The following AGBL1 variants were observed in gnomAD, a reference collection of about 807,000 sequenced individuals.
The protein encoded by AGBL1 is AGBL carboxypeptidase 1.
A neutral mutation model predicts 118.9 loss-of-function variants in AGBL1; 130 were observed. That is an observed-to-expected ratio of 1.09 (90% CI 0.95 to 1.26). The LOEUF (loss-of-function observed/expected upper bound fraction) is 1.26. Ranked by LOEUF, AGBL1 falls within the 50% of genes most tolerant of loss-of-function variation. The pLI, the probability that AGBL1 is intolerant of heterozygous loss-of-function variation, is 0.00. For synonymous variants in AGBL1, 555 were observed against 478.9 expected (o/e 1.16, Z -2.08); for missense variants, 1,584 against 1,298.1 (o/e 1.22, Z -3.38).
chr15:86,360,542 GCTAGC>G (rs2141920019), intron 17 of AGBL1, among the ~76,000 whole-genome samples: 1 of 151,988 alleles, frequency 6.6e-6, no homozygotes, highest in Non-Finnish European at 1.5e-5. Context: ...TCAGAGTGAT[GCTAGC>G]CTCATAAAAT....
At chr15:86,802,390 C>A (rs1216743264) in intron 22 of AGBL1, among the ~76,000 whole-genome samples, 3 of 152,012 alleles carry the variant, frequency 2.0e-5, no homozygotes, top group African/African-American at 7.2e-5. Context: ...CTGGCACTTG[C>A]AAGGGACTCA....
intron 24 of AGBL1, among the ~76,000 whole-genome samples, chr15:86,997,890 GACACACACACACACACACACACACAC>G (rs3030280): frequency 2.7e-5 from 4 of 145,830 alleles, no homozygotes; most frequent in African/African-American, 1.0e-4. Context: ...ACATGTGGAA[GACACACACACACACACACACACACAC>G]ACACACACAC....
chr15:86,262,844 G>A lies in AGBL1; in HGVS notation c.1036G>A (p.Glu346Lys), dbSNP rs754056355. The A allele has an allele frequency of 2.5e-6, 4 of 1,611,218 alleles. No homozygotes were observed. Among genetic ancestry groups the A allele is most frequent in the Admixed American group, 3.3e-5 (2 of 59,748 alleles). Residue 346 changes from glutamate to lysine, a missense_variant, in exon 10 of 23, where the codon GAA becomes AAA. By Grantham distance (56) the Glu-to-Lys change is moderately conservative. Transcript: ENST00000614907. ...ACCTGGTCTTGACCGACCTGAAGAG[G>A]AACTGATGCAATATGAGGTGATGTG... ...SKPGLDRPEE[E>K]LMQYEVMCLE...
chr15:86,552,527 G>C (rs1441107440), intron 20 of AGBL1, among the ~76,000 whole-genome samples: 1 of 152,148 alleles, frequency 6.6e-6, no homozygotes, highest in African/African-American at 2.4e-5. Flanking sequence ...CAGCCCCCCA[G>C]GGGTCTGGAC....
intron 17 of AGBL1, among the ~76,000 whole-genome samples, chr15:86,368,197 C>T (rs12900718): frequency 0.045 from 6,851 of 151,982 alleles, 182 homozygotes; most frequent in South Asian, 0.075. Flanking sequence ...GTAAAGAGCT[C>T]CCTAATATTT....
In AGBL1 at chr15:86,878,966, T is replaced by G. The variant is rs144345158; in HGVS notation, c.3159-28121T>G. Among the ~76,000 whole-genome samples the G allele has an allele frequency of 6.2e-3, 944 of 152,300 alleles. 3 individuals are homozygous for G. Among genetic ancestry groups the G allele is most frequent in the Middle Eastern group, 0.017 (5 of 294 alleles). ...CCTGAAGAGAGAGCTGCTGTTCCAG[T>G]TCACAGCACACCTGGTTGTGACAGG... On this transcript the variant is annotated intron_variant, in intron 22 of 22. Coordinates refer to ENST00000614907, the MANE Select transcript of AGBL1 (RefSeq NM_001386094.1).
At chr15:86,949,261 T>C (rs2080855187) in intron 23 of AGBL1, among the ~76,000 whole-genome samples, 1 of 152,090 alleles carries the variant, frequency 6.6e-6, no homozygotes, top group Non-Finnish European at 1.5e-5. Context: ...ACTTACAAAA[T>C]CAAGATGAAA....
chr15:86,353,917 A>T (rs1434905019), intron 17 of AGBL1, among the ~76,000 whole-genome samples: 5 of 152,178 alleles, frequency 3.3e-5, no homozygotes, highest in African/African-American at 9.7e-5. Flanking sequence ...AATAAACTTG[A>T]TATATCCTTG....
intron 1 of AGBL1, among the ~76,000 whole-genome samples, chr15:86,120,450 C>A (rs1342769387): frequency 1.3e-5 from 2 of 152,176 alleles, no homozygotes; most frequent in African/African-American, 4.8e-5. Context: ...TTGTCAAATG[C>A]TAAAAAATTG....
At chr15:86,285,426 CG>C (rs2079426639) in intron 16 of AGBL1, among the ~76,000 whole-genome samples, 1 of 152,014 alleles carries the variant, frequency 6.6e-6, no homozygotes, top group African/African-American at 2.4e-5. Flanking sequence ...AATTGAGTCA[CG>C]GGGGCAGGTC....
At chr15:86,594,629 T>C (rs1186704787) in intron 21 of AGBL1, among the ~76,000 whole-genome samples, 1 of 152,228 alleles carries the variant, frequency 6.6e-6, no homozygotes, top group East Asian at 1.9e-4. Context: ...TCCAAATTTA[T>C]TTCAATGTTA....
intron 24 of AGBL1, among the ~76,000 whole-genome samples, chr15:87,020,927 A>C (rs1454255342): frequency 6.6e-6 from 1 of 152,178 alleles, no homozygotes; most frequent in Admixed American, 6.6e-5. Flanking sequence ...TGCCCAAAGT[A>C]ATTTATAGAT....
chr15:86,458,952 C>T (rs1242775347), intron 18 of AGBL1, among the ~76,000 whole-genome samples: 1 of 152,126 alleles, frequency 6.6e-6, no homozygotes, highest in Admixed American at 6.6e-5. Flanking sequence ...CTACATGTCT[C>T]GTTAATTACT....
intron 18 of AGBL1, among the ~76,000 whole-genome samples, chr15:86,492,052 A>G (rs991130091): frequency 1.3e-5 from 2 of 152,106 alleles, no homozygotes; most frequent in Non-Finnish European, 2.9e-5. Flanking sequence ...CTTAAAGATA[A>G]CACAATCCCT....
At chr15:87,018,745 A>ATGAC (rs2081632556) in intron 24 of AGBL1, among the ~76,000 whole-genome samples, 2 of 152,056 alleles carry the variant, frequency 1.3e-5, no homozygotes, top group Non-Finnish European at 2.9e-5. Context: ...TAGCCTCATG[A>ATGAC]TGACAGGATC....
intron 22 of AGBL1, among the ~76,000 whole-genome samples, chr15:86,780,157 T>C (rs2078313868): frequency 6.6e-6 from 1 of 151,744 alleles, no homozygotes; most frequent in African/African-American, 2.4e-5. Flanking sequence ...TTTCTGTATA[T>C]AATATGATGT....
At chr15:86,284,128 G>A (rs1597678184) in intron 16 of AGBL1, among the ~76,000 whole-genome samples, 2 of 149,710 alleles carry the variant, frequency 1.3e-5, no homozygotes, top group East Asian at 1.9e-4. Flanking sequence ...GATGATGTGC[G>A]ATTATTTTCT....
intron 19 of AGBL1, among the ~76,000 whole-genome samples, chr15:86,524,299 C>G (rs1327136972): frequency 3.3e-5 from 5 of 152,100 alleles, no homozygotes; most frequent in African/African-American, 1.2e-4. Flanking sequence ...CTCAGTGATT[C>G]CTTAGAAGGA....
intron 21 of AGBL1, among the ~76,000 whole-genome samples, chr15:86,665,659 A>T (rs2142527674): frequency 6.6e-6 from 1 of 152,208 alleles, no homozygotes; most frequent in South Asian, 2.1e-4. Context: ...CTTTGAAAAT[A>T]TACATTGAAA....
Sources: gnomAD v4.1 joint callset for allele counts (sites outside exome capture counted in the v4.1 genomes callset) on GRCh38, gnomAD v4.1.1 for gene constraint, MANE v1.5 for transcripts, NCBI Gene and HGNC (gene_info 2026-07-23, HGNC 2026-07-21) for gene names.